The following CREB5 variants were observed in gnomAD, a reference collection of about 807,000 sequenced individuals.
CREB5 encodes cyclic AMP-responsive element-binding protein 5.
In CREB5, 19 loss-of-function variants were observed where a neutral mutation model predicts 57.1. The ratio of observed to expected loss-of-function variants is 0.33; its 90% CI spans 0.23 to 0.49. CREB5 has a LOEUF of 0.49. Ranked by LOEUF, CREB5 falls within the 20% of genes least tolerant of loss-of-function variation. CREB5 has a pLI of 0.99. For missense variants in CREB5, 579 were observed against 671.6 expected (o/e 0.86, Z 1.52); for synonymous variants, 238 against 238.3 (o/e 1.00, Z 0.01).
intron 7 of CREB5, among the ~76,000 whole-genome samples, chr7:28,782,268 A>T (rs1308154517): frequency 1.3e-5 from 2 of 152,212 alleles, no homozygotes; most frequent in Non-Finnish European, 2.9e-5. Flanking sequence ...GATATAAAAG[A>T]TTAAAGCAGT....
rs537620530 is a variant in CREB5, at chr7:28,610,118, G to A, written c.464+39581G>A. ...TGTAACTCATGCTGTTAGGTCTTCC[G>A]TTCTGTCCTTCTGGGCCCTGGGGTA... On this transcript the variant is annotated intron_variant, in intron 5 of 10. Transcript: ENST00000357727. Among the ~76,000 whole-genome samples the A allele has an allele frequency of 5.9e-5, 9 of 152,158 alleles. No homozygotes were observed. In the East Asian group the frequency reaches 9.6e-4, roughly 16 times the overall value.
intron 5 of CREB5, among the ~76,000 whole-genome samples, chr7:28,690,392 A>C (rs9691873): frequency 0.37 from 56,358 of 152,022 alleles, 10,855 homozygotes; most frequent in Middle Eastern, 0.44. Context: ...CCTCGCCCTC[A>C]CATGTTTCCC....
At chr7:28,722,026 A>C (rs1378194912) in intron 6 of CREB5, among the ~76,000 whole-genome samples, 1 of 152,238 alleles carries the variant, frequency 6.6e-6, no homozygotes. Context: ...CTCCTGGTGC[A>C]GACAGAGCCT....
chr7:28,467,668 G>A lies in CREB5; in HGVS notation c.4-20507G>A, dbSNP rs1012710939. ...GATAGGAGGTGTGTCAGAATTTCCCGCATTGTTATGAAGCTACCATGCAAA... is the reference window on the plus strand; with the variant it reads ...GATAGGAGGTGTGTCAGAATTTCCCACATTGTTATGAAGCTACCATGCAAA... On this transcript the variant is annotated intron_variant, in intron 1 of 10. Transcript: ENST00000357727. Among the ~76,000 whole-genome samples, 8 of 152,230 alleles carry A rather than the reference G, an allele frequency of 5.3e-5. No homozygotes were observed. The South Asian group carries it at 6.2e-4, about 12-fold the overall frequency.
At chr7:28,645,366 C>G (rs1798850601) in intron 5 of CREB5, among the ~76,000 whole-genome samples, 1 of 151,978 alleles carries the variant, frequency 6.6e-6, no homozygotes. Context: ...GTGATTTTAC[C>G]TCCTTTTTGA....
At chr7:28,610,187 T>G (rs1024854849) in intron 5 of CREB5, among the ~76,000 whole-genome samples, 6 of 152,214 alleles carry the variant, frequency 3.9e-5, no homozygotes, top group Admixed American at 3.9e-4. Context: ...ATGTCTCCTG[T>G]TCATCTTGGG....
At chr7:28,673,742 A>C (rs1800178041) in intron 5 of CREB5, among the ~76,000 whole-genome samples, 2 of 131,782 alleles carry the variant, frequency 1.5e-5, no homozygotes, top group Non-Finnish European at 3.0e-5. Flanking sequence ...GCGTGATCTC[A>C]GCTCACTGCA....
In CREB5 at chr7:28,724,294, T is replaced by A. The variant is rs771377600; in HGVS notation, c.664T>A (p.Ser222Thr). The stretch of plus-strand genomic sequence containing the variant: ...TCCAAATCTCAGCAACCCCTGTGCT[T>A]CTCCCCAGGTCCAGCCAATGCATTC... ...QGPNLSNPCA[S>T]PQVQPMHSEA... is the part of the protein sequence containing the mutation. Residue 222 changes from serine to threonine, a missense_variant, in exon 7 of 11, where the codon TCT becomes ACT. Transcript: ENST00000357727. 6.2e-7 allele frequency: 1 copy of A among 1,613,742 alleles called. No homozygotes were observed. Among genetic ancestry groups the A allele is most frequent in the Non-Finnish European group, 8.5e-7 (1 of 1,179,820 alleles).
chr7:28,611,713 TA>T (rs1009230400), intron 5 of CREB5, among the ~76,000 whole-genome samples: 2 of 139,268 alleles, frequency 1.4e-5, no homozygotes, highest in African/African-American at 5.3e-5. Context: ...AATAAATAAA[TA>T]AAATATATAT....
At chr7:28,528,704 C>CA (rs778154325) in intron 4 of CREB5, among the ~76,000 whole-genome samples, 8,633 of 57,852 alleles carry the variant, frequency 0.15, 924 homozygotes, top group East Asian at 0.23. Flanking sequence ...AACTCCATCT[C>CA]AAAAAAAAAA....
intron 5 of CREB5, among the ~76,000 whole-genome samples, chr7:28,673,654 T>G (rs921669729): frequency 7.6e-6 from 1 of 132,256 alleles, no homozygotes; most frequent in African/African-American, 2.8e-5. Flanking sequence ...TTTCTCTCTC[T>G]CTCTTTTTTT....
In CREB5 at chr7:28,822,703, C is replaced by G; in HGVS notation, c.*3424C>G. ...AGAGCATTTCTATCAGGTAAACTGT[C>G]ACTTAAATGGAGGTGTCCACATCTT... On this transcript the variant is annotated 3_prime_UTR_variant, in exon 11 of 11. Coordinates refer to ENST00000357727, the MANE Select transcript of CREB5 (RefSeq NM_182898.4). The G allele has an allele frequency of 1.3e-5, 2 of 152,660 alleles. No homozygotes were observed. Among genetic ancestry groups the G allele is most frequent in the Non-Finnish European group, 2.9e-5 (2 of 68,058 alleles). 9.5% of individuals were successfully genotyped at this position (152,660 alleles called of 1,614,324 possible). A position where few individuals can be genotyped will look rare whatever the true frequency, so the allele number is the denominator to read the frequency against.
intron 5 of CREB5, among the ~76,000 whole-genome samples, chr7:28,646,673 G>C (rs1463093804): frequency 6.6e-6 from 1 of 152,082 alleles, no homozygotes; most frequent in African/African-American, 2.4e-5. Context: ...GTCCAGAAAG[G>C]AAAGAATATT....
At chr7:28,676,748 C>A (rs1220665046) in intron 5 of CREB5, among the ~76,000 whole-genome samples, 1 of 152,116 alleles carries the variant, frequency 6.6e-6, no homozygotes, top group African/African-American at 2.4e-5. Flanking sequence ...AGATGGGTAC[C>A]TTGCAATAGA....
chr7:28,607,679 C>A (rs980984934), intron 5 of CREB5, among the ~76,000 whole-genome samples: 2 of 151,190 alleles, frequency 1.3e-5, no homozygotes, highest in South Asian at 2.1e-4. Context: ...TCTGTTGAAC[C>A]ACAAAATGAT....
At chr7:28,368,498 C>A (rs182893848) in intron 1 of CREB5, among the ~76,000 whole-genome samples, 28 of 152,288 alleles carry the variant, frequency 1.8e-4, no homozygotes, top group African/African-American at 6.5e-4. Flanking sequence ...TCATGTTTGT[C>A]TTGCTGTCTT....
At chr7:28,382,092 G>A (rs1223566208) in intron 1 of CREB5, among the ~76,000 whole-genome samples, 1 of 152,202 alleles carries the variant, frequency 6.6e-6, no homozygotes, top group Non-Finnish European at 1.5e-5. Flanking sequence ...GCCACTGGTT[G>A]CAAGTCCCAG....
rs374115614 is a variant in CREB5, at chr7:28,491,827, A to C, written c.76-3079A>C. Reference sequence around the variant, plus strand: ...GATGTCCTACAGCCTGGGAACCTGCATGGAGAAGACAGGATGACTGAGAAT... The same window carrying C: ...GATGTCCTACAGCCTGGGAACCTGCCTGGAGAAGACAGGATGACTGAGAAT... On this transcript the variant is annotated intron_variant, in intron 2 of 10. Coordinates refer to ENST00000357727, the MANE Select transcript of CREB5 (RefSeq NM_182898.4). 6.6e-5 allele frequency among the ~76,000 whole-genome samples: 10 copies of C among 152,336 alleles called. No homozygotes were observed. In the South Asian group the frequency reaches 1.9e-3, roughly 28 times the overall value.
At chr7:28,590,377 AG>A (rs1188408322) in intron 5 of CREB5, among the ~76,000 whole-genome samples, 1 of 151,820 alleles carries the variant, frequency 6.6e-6, no homozygotes, top group African/African-American at 2.4e-5. Flanking sequence ...TGTCCTTTGT[AG>A]GGACATGGAT....
Sources: allele counts gnomAD v4.1 joint callset (sites outside exome capture counted in the v4.1 genomes callset), GRCh38; gene constraint gnomAD v4.1.1; transcripts MANE v1.5; gene names NCBI Gene and HGNC (gene_info 2026-07-23, HGNC 2026-07-21).